PSME3IP1: variants seen among roughly 807,000 people sequenced by gnomAD.
The protein encoded by PSME3IP1 is proteasome activator subunit 3 interacting protein 1, also known as PSME3-interacting protein.
PSME3IP1 carries 13 observed loss-of-function variants against 34.1 expected under a neutral mutation model. The observed-to-expected ratio is 0.38, with a 90% CI of 0.25 to 0.61. The LOEUF is 0.61. PSME3IP1 is among the 20% of genes least tolerant of loss of function. The pLI is 0.60. For synonymous variants in PSME3IP1, 93 were observed against 114.3 expected (o/e 0.81, Z 1.19); for missense variants, 237 against 301.4 (o/e 0.79, Z 1.58).
At position 57,167,239 on chromosome 16, in the gene PSME3IP1, T is replaced by C; in HGVS notation, c.349-13A>G. The C allele has an allele frequency of 6.2e-7, 1 of 1,614,228 alleles. No individual in the cohort carries two copies. The highest frequency in any genetic ancestry group is 8.5e-7 in the Non-Finnish European group (1 of 1,180,024). On this transcript the variant is annotated splice_polypyrimidine_tract_variant and intron_variant, in intron 4 of 6. Coordinates refer to ENST00000309137, the MANE Select transcript of PSME3IP1 (RefSeq NM_024946.4). ...TCTTGAGGTTATTGTGAGTTACCAG[T>C]TAAGGGTCAAACTAAGCAAAAGGGA...
intron 5 of PSME3IP1, among the ~76,000 whole-genome samples, 172 bp downstream of exon 5, chr16:57,166,921 G>C (rs1294953663): frequency 6.6e-6 from 1 of 152,194 alleles, no homozygotes; most frequent in Non-Finnish European, 1.5e-5. Context: ...AGAGAGACGA[G>C]GGTCAAAGCC....
Position 57,185,995 on chromosome 16 carries a change from AT to A in PSME3IP1, c.-191del. 1 of 985,136 alleles carries A rather than the reference AT, an allele frequency of 1.0e-6. No individual in the cohort carries two copies. Among genetic ancestry groups the A allele is most frequent in the Non-Finnish European group, 1.2e-6 (1 of 829,884 alleles). The allele number at this position is 985,136 out of a possible 1,614,324, so 61.0% of individuals were successfully genotyped here. The stretch of plus-strand genomic sequence containing the variant: ...AAAAGAAAATAGCCTTTGCTTTTGT[AT>A]TTCTTTTGACCCTTCAGGGCTTCCT... On this transcript the variant is annotated 5_prime_UTR_variant, in exon 1 of 7. Coordinates refer to ENST00000309137, the MANE Select transcript of PSME3IP1 (RefSeq NM_024946.4).
At chr16:57,160,159 G>A (rs948800028) in intron 6 of PSME3IP1, among the ~76,000 whole-genome samples, 36 of 152,026 alleles carry the variant, frequency 2.4e-4, no homozygotes, top group East Asian at 1.7e-3. Flanking sequence ...GCGCGGTGGC[G>A]GGCGCCTGTA....
Position 57,165,487 on chromosome 16 carries a change from T to C in PSME3IP1, c.483-1422A>G, listed in dbSNP as rs377363960. Among the ~76,000 whole-genome samples the C allele has an allele frequency of 5.3e-5, 8 of 152,290 alleles. No homozygotes were observed. The East Asian group carries it at 1.4e-3, about 26-fold the overall frequency. ...CTAGAAGAGAGTAAAGAATATTCCT[T>C]TGAAGAAGGTAAGAAATTGCTGCTT... On this transcript the variant is annotated intron_variant, in intron 5 of 6. Transcript: ENST00000309137.
intron 4 of PSME3IP1, among the ~76,000 whole-genome samples, chr16:57,168,796 T>C (rs2072211425): frequency 9.7e-6 from 1 of 103,020 alleles, no homozygotes; most frequent in Admixed American, 1.4e-4. Context: ...AGAGCGAAAC[T>C]CTGTCTCAAA....
chr16:57,176,167 C>T (rs1034566646), intron 1 of PSME3IP1, among the ~76,000 whole-genome samples: 3 of 152,176 alleles, frequency 2.0e-5, no homozygotes, highest in African/African-American at 7.2e-5. Context: ...GAAACCAGAG[C>T]CAACAATTTC....
intron 1 of PSME3IP1, among the ~76,000 whole-genome samples, chr16:57,180,178 A>G (rs2145951180): frequency 6.6e-6 from 1 of 152,364 alleles, no homozygotes; most frequent in African/African-American, 2.4e-5. Flanking sequence ...AATTTAATCC[A>G]TATTTTAAAT....
intron 6 of PSME3IP1, among the ~76,000 whole-genome samples, chr16:57,163,007 A>G (rs1002534570): frequency 7.9e-5 from 12 of 152,072 alleles, no homozygotes; most frequent in Non-Finnish European, 1.3e-4. Flanking sequence ...TCTACTAAAA[A>G]TACAAAAATT....
intron 5 of PSME3IP1, 105 bp from the exon 6 acceptor site, chr16:57,164,170 A>C (rs2071586766): frequency 4.4e-6 from 4 of 909,728 alleles, no homozygotes; most frequent in African/African-American, 1.7e-5. Flanking sequence ...AGGCAGTCTC[A>C]AGAGGCTGGG....
At chr16:57,173,199 G>A (rs975524519) in intron 2 of PSME3IP1, among the ~76,000 whole-genome samples, 3 of 152,216 alleles carry the variant, frequency 2.0e-5, no homozygotes, top group African/African-American at 7.2e-5. Flanking sequence ...ATAGATGGAG[G>A]AGAGGAGCAG....
intron 1 of PSME3IP1, among the ~76,000 whole-genome samples, chr16:57,182,665 T>G (rs2073838996): frequency 7.7e-6 from 1 of 130,704 alleles, no homozygotes; most frequent in African/African-American, 2.9e-5. Context: ...ACCCTAGCAC[T>G]CTGGGAGACT....
At chr16:57,158,708 C>A (rs1364109887) in intron 6 of PSME3IP1, among the ~76,000 whole-genome samples, 3 of 152,084 alleles carry the variant, frequency 2.0e-5, no homozygotes, top group Non-Finnish European at 4.4e-5. Flanking sequence ...GTACAGACAC[C>A]CCTGCTTAAT....
chr16:57,166,819 G>A (rs1057148700), intron 5 of PSME3IP1, among the ~76,000 whole-genome samples: 2 of 152,146 alleles, frequency 1.3e-5, no homozygotes, highest in Non-Finnish European at 2.9e-5. Context: ...AGAATACATG[G>A]GATTATGCAC....
chr16:57,161,527 T>C (rs2071228895), intron 6 of PSME3IP1, among the ~76,000 whole-genome samples: 1 of 150,964 alleles, frequency 6.6e-6, no homozygotes, highest in Non-Finnish European at 1.5e-5. Context: ...TTTTTTTTTT[T>C]TTGAGACGGA....
intron 1 of PSME3IP1, among the ~76,000 whole-genome samples, chr16:57,176,188 C>G (rs2073156072): frequency 6.6e-6 from 1 of 152,218 alleles, no homozygotes; most frequent in Non-Finnish European, 1.5e-5. Context: ...TTAAATGTCT[C>G]TGGCAGAGAA....
chr16:57,173,581 A>G, intron 2 of PSME3IP1, 147 bp downstream of exon 2: 1 of 862,770 alleles, frequency 1.2e-6, no homozygotes, highest in Non-Finnish European at 1.7e-6. Flanking sequence ...GTGAGCCAAG[A>G]TCGCGCCACT....
intron 1 of PSME3IP1, among the ~76,000 whole-genome samples, chr16:57,179,948 C>T (rs1289328681): frequency 1.3e-5 from 2 of 152,194 alleles, no homozygotes; most frequent in Non-Finnish European, 2.9e-5. Context: ...GGCCAGAAGG[C>T]ACTTCTACCA....
At position 57,184,355 on chromosome 16, in the gene PSME3IP1, T is replaced by A. The variant is rs545675464; in HGVS notation, c.-16+1466A>T. Among the ~76,000 whole-genome samples the A allele has an allele frequency of 9.1e-3, 1,381 of 152,146 alleles. 10 individuals carry two copies. Among genetic ancestry groups the A allele is most frequent in the Middle Eastern group, 0.024 (7 of 294 alleles). On this transcript the variant is annotated intron_variant, in intron 1 of 6. Coordinates refer to ENST00000309137, the MANE Select transcript of PSME3IP1 (RefSeq NM_024946.4). ...CCACAGATTCAAGAAGTCTAATAAA[T>A]ACCAAACAAATTGAACAAAAACAAA...
chr16:57,184,299 G>T (rs1464747775), intron 1 of PSME3IP1, among the ~76,000 whole-genome samples: 1 of 151,140 alleles, frequency 6.6e-6, no homozygotes, highest in African/African-American at 2.4e-5. Context: ...AAATGGCTGA[G>T]AATTTTACAG....
Sources: allele counts gnomAD v4.1 joint callset (sites outside exome capture counted in the v4.1 genomes callset), GRCh38; gene constraint gnomAD v4.1.1; transcripts MANE v1.5; gene names NCBI Gene and HGNC (gene_info 2026-07-23, HGNC 2026-07-21).